COQ6: variants seen among roughly 807,000 people sequenced by gnomAD.
The protein encoded by COQ6 is ubiquinone biosynthesis monooxygenase COQ6, mitochondrial.
COQ6 carries 45 observed loss-of-function variants against 55.5 expected under a neutral mutation model. That is an observed-to-expected ratio of 0.81 (90% confidence interval 0.64 to 1.04). The LOEUF is 1.04. COQ6 is among the 50% of genes least tolerant of loss of function. COQ6 has a pLI of 0.00. For missense variants in COQ6, 550 were observed against 601.3 expected (o/e 0.91, Z 0.89); for synonymous variants, 206 against 230.5 (o/e 0.89, Z 0.96).
chr14:73,950,714 A>G, intron 1 of COQ6: 2 of 639,206 alleles, frequency 3.1e-6, no homozygotes, highest in South Asian at 2.2e-5. Context: ...AGTCTGTTCT[A>G]CTCATGGGAA....
intron 8 of COQ6, chr14:73,960,252 T>C: frequency 1.0e-6 from 1 of 986,796 alleles, no homozygotes; most frequent in Admixed American, 6.0e-5. Flanking sequence ...GTAAATAGTA[T>C]CACTAACTGC....
In COQ6 at chr14:73,958,198, G is replaced by A; in HGVS notation, c.533G>A (p.Cys178Tyr). 1.2e-6 allele frequency: 2 copies of A among 1,613,974 alleles called. No individual in the cohort carries two copies. Among genetic ancestry groups the A allele is most frequent in the Non-Finnish European group, 8.5e-7 (1 of 1,180,004 alleles). The change falls in exon 5 of 12, where the codon TGT becomes TAT. Residue 178 changes from cysteine (C) to tyrosine (Y), a missense_variant. Cys to Tyr is a radical substitution (Grantham distance 194). Coordinates refer to ENST00000334571, the MANE Select transcript of COQ6 (RefSeq NM_182476.3). ...RSKAIRYTWP[C>Y]PFPMADSSPW... ...AAAGCCATTCGCTATACCTGGCCTT[G>A]TCCATTTCCTATGGCCGACTCCAGC... is the stretch of plus-strand genomic sequence containing the variant.
intron 1 of COQ6, among the ~76,000 whole-genome samples, chr14:73,951,103 C>T (rs1410045082): frequency 6.6e-6 from 1 of 152,126 alleles, no homozygotes; most frequent in Admixed American, 6.5e-5. Flanking sequence ...CTGAATTGAT[C>T]CTCCTGCCTC....
intron 4 of COQ6, chr14:73,956,277 G>A (rs377369129): frequency 4.4e-5 from 13 of 295,986 alleles, no homozygotes; most frequent in South Asian, 9.9e-5. Context: ...GCAGTGAGCC[G>A]AGATCACGCC....
In COQ6 at chr14:73,950,304, T is replaced by G. The variant is rs889402306; in HGVS notation, c.-29T>G. 1.7e-5 allele frequency: 26 copies of G among 1,543,662 alleles called. No individual in the cohort carries two copies. Among genetic ancestry groups the G allele is most frequent in the Non-Finnish European group, 2.3e-5 (26 of 1,148,336 alleles). On this transcript the variant is annotated 5_prime_UTR_variant, in exon 1 of 12. Transcript: ENST00000334571. ...CACTACGTAGGTGGGCCTGCGGGAG[T>G]TCTGAGTGCGACGGCGCAGGTCTGC...
At chr14:73,957,604 A>AT (rs1209454267) in intron 4 of COQ6, among the ~76,000 whole-genome samples, 1 of 151,922 alleles carries the variant, frequency 6.6e-6, no homozygotes, top group Non-Finnish European at 1.5e-5. Flanking sequence ...CGCCTGGTTA[A>AT]TTTTTTGTAA....
intron 1 of COQ6, among the ~76,000 whole-genome samples, chr14:73,950,935 T>C (rs747488622): frequency 5.3e-5 from 8 of 152,250 alleles, no homozygotes; most frequent in Non-Finnish European, 1.0e-4. Context: ...TTTAGAGAAA[T>C]GCCTATTCAG....
In COQ6 at chr14:73,963,198, C is replaced by A. The variant is rs1315897819; in HGVS notation, c.*199C>A. The A allele has an allele frequency of 1.1e-5, 7 of 613,842 alleles. No homozygotes were observed. In the South Asian group the frequency reaches 1.5e-4, roughly 13 times the overall value. The allele number at this position is 613,842 out of a possible 1,614,324, so 38.0% of individuals were successfully genotyped here. ...TGTGAGGAGCGTATATTAGCCAGAC[C>A]AAAGGAAAAAACTTCGAAGGAAGAC... On this transcript the variant is annotated 3_prime_UTR_variant, in exon 12 of 12. Transcript: ENST00000334571.
chr14:73,957,103 T>TA (rs199572425), intron 4 of COQ6, among the ~76,000 whole-genome samples: 38,147 of 145,930 alleles, frequency 0.26, 5,722 homozygotes, highest in Non-Finnish European at 0.33. Context: ...TTATTATTAT[T>TA]TTTTTTTTTT....
rs748791988 is a variant in COQ6, at chr14:73,961,728, GC to G, written c.1211-6del. ...GGATTAGGGATTTAATCTTTCCTCTGCCCTTCAGGTTCCGTGAGCCACCTCA... is the reference window on the plus strand; with the variant it reads ...GGATTAGGGATTTAATCTTTCCTCTGCCTTCAGGTTCCGTGAGCCACCTCA... On this transcript the variant is annotated splice_region_variant and splice_polypyrimidine_tract_variant and intron_variant, in intron 10 of 11. Coordinates refer to ENST00000334571, the MANE Select transcript of COQ6 (RefSeq NM_182476.3). 3.1e-6 allele frequency: 5 copies of G among 1,614,100 alleles called. No homozygotes were observed. The highest frequency in any genetic ancestry group is 3.4e-6 in the Non-Finnish European group (4 of 1,179,956).
rs778339208 is a variant in COQ6 at position 73,955,509 on chromosome 14, G to A, written c.357G>A (p.Gln119=). 1 of 1,613,808 alleles carries A rather than the reference G, an allele frequency of 6.2e-7. No homozygotes were observed. Among genetic ancestry groups the A allele is most frequent in the South Asian group, 1.1e-5 (1 of 91,072 alleles). The part of the protein sequence containing the change: ...NMRYRAFRRM[Q]VWDACSEALI... ...GATACAGAGCCTTTCGGCGAATGCAGGTGCCCCTTTATCTTTTCAATTTTG... is the reference window on the plus strand; with the variant it reads ...GATACAGAGCCTTTCGGCGAATGCAAGTGCCCCTTTATCTTTTCAATTTTG... Residue 119 remains glutamine, a splice_region_variant and synonymous_variant, in exon 3 of 12, where the codon CAG becomes CAA. Coordinates refer to ENST00000334571, the MANE Select transcript of COQ6 (RefSeq NM_182476.3).
intron 1 of COQ6, among the ~76,000 whole-genome samples, chr14:73,951,443 C>T (rs928261533): frequency 6.6e-6 from 1 of 151,684 alleles, no homozygotes; most frequent in Non-Finnish European, 1.5e-5. Context: ...GGCACGATCT[C>T]AGCTCACTGC....
rs1222989544 is a variant in COQ6, at chr14:73,950,312, G to A, written c.-21G>A. On this transcript the variant is annotated 5_prime_UTR_variant, in exon 1 of 12. Transcript: ENST00000334571. ...AGGTGGGCCTGCGGGAGTTCTGAGT[G>A]CGACGGCGCAGGTCTGCACCATGGC... 8.4e-6 allele frequency: 13 copies of A among 1,545,192 alleles called. No individual in the cohort carries two copies. Among genetic ancestry groups the A allele is most frequent in the East Asian group, 2.4e-5 (1 of 41,218 alleles).
At position 73,963,194 on chromosome 14, in the gene COQ6, AGACC is replaced by A; in HGVS notation, c.*196_*199del. ...TTGCTGTGAGGAGCGTATATTAGCC[AGACC>A]AAAGGAAAAAACTTCGAAGGAAGAC... On this transcript the variant is annotated 3_prime_UTR_variant, in exon 12 of 12. Coordinates refer to ENST00000334571, the MANE Select transcript of COQ6 (RefSeq NM_182476.3). 1 of 619,366 alleles carries A rather than the reference AGACC, an allele frequency of 1.6e-6. No individual in the cohort carries two copies. The highest frequency in any genetic ancestry group is 2.9e-6 in the Non-Finnish European group (1 of 347,112). The allele number at this position is 619,366 out of a possible 1,614,324, so 38.4% of individuals were successfully genotyped here. A position where few individuals can be genotyped will look rare whatever the true frequency, so the allele number is the denominator to read the frequency against.
In COQ6 at chr14:73,963,100, CTTTACA is replaced by C. The variant is rs2056830396; in HGVS notation, c.*104_*109del. Reference sequence around the variant, plus strand: ...GATCTTATTTAATTTAATAAACTTACTTTACATTAAAATTCTCTTTTTCTTCTTTGC... The same window carrying C: ...GATCTTATTTAATTTAATAAACTTACTTAAAATTCTCTTTTTCTTCTTTGC... On this transcript the variant is annotated 3_prime_UTR_variant, in exon 12 of 12. Transcript: ENST00000334571. 1 of 1,003,926 alleles carries C rather than the reference CTTTACA, an allele frequency of 1.0e-6. No individual in the cohort carries two copies. Among genetic ancestry groups the C allele is most frequent in the Admixed American group, 1.7e-5 (1 of 57,306 alleles). The allele number at this position is 1,003,926 out of a possible 1,614,324, so 62.2% of individuals were successfully genotyped here.
At chr14:73,958,589 C>G in intron 5 of COQ6, 1 of 1,288,984 alleles carries the variant, frequency 7.8e-7, no homozygotes, top group Non-Finnish European at 9.9e-7. Flanking sequence ...TCTCTTGCCT[C>G]TCATTTTTCT....
chr14:73,958,772 C>T, intron 5 of COQ6, 199 bp from the exon 6 acceptor site: 6 of 1,485,364 alleles, frequency 4.0e-6, no homozygotes, highest in Non-Finnish European at 5.4e-6. Context: ...TCAGTCATGT[C>T]CAGCTTTGGC....
At chr14:73,949,937 T>A (rs766210362), upstream of COQ6, 1 of 1,611,300 alleles carries the variant, frequency 6.2e-7, no homozygotes, top group East Asian at 2.2e-5. Flanking sequence ...CTCTCCGGGA[T>A]TCCTTTCCCG....
At chr14:73,956,019 T>A (rs2056413556) in intron 4 of COQ6, 91 bp downstream of exon 4, 2 of 1,576,358 alleles carry the variant, frequency 1.3e-6, no homozygotes, top group African/African-American at 2.7e-5. Flanking sequence ...ATATTCAGTG[T>A]CCACCATAAA....
Sources: gnomAD v4.1 joint callset for allele counts (sites outside exome capture counted in the v4.1 genomes callset) on GRCh38, gnomAD v4.1.1 for gene constraint, MANE v1.5 for transcripts, NCBI Gene and HGNC (gene_info 2026-07-23, HGNC 2026-07-21) for gene names.